The following RAB37 variants were observed in gnomAD, a reference collection of about 807,000 sequenced individuals.
The protein encoded by RAB37 is RAB37, member RAS oncogene family, also known as ras-related protein Rab-37.
RAB37 carries 29 observed loss-of-function variants against 33.1 expected under a neutral mutation model. The observed-to-expected ratio is 0.88, with a 90% CI of 0.65 to 1.20. The LOEUF (loss-of-function observed/expected upper bound fraction) is 1.20. Ranked by LOEUF, RAB37 falls within the 50% of genes most tolerant of loss-of-function variation. RAB37 has a pLI of 0.00. For missense variants in RAB37, 299 were observed against 301.1 expected (o/e 0.99, Z 0.05); for synonymous variants, 128 against 119.5 (o/e 1.07, Z -0.47).
intron 1 of RAB37, 83 bp downstream of exon 1, chr17:74,737,448 C>G (rs1358271840): frequency 7.2e-7 from 1 of 1,390,264 alleles, no homozygotes; most frequent in Non-Finnish European, 9.6e-7. Context: ...CTCAGCCCTT[C>G]CCCCAGGCAG....
Position 74,684,858 on chromosome 17 carries a change from T to C in RAB37, c.72+13200T>C, listed in dbSNP as rs531520060. Among the ~76,000 whole-genome samples the C allele has an allele frequency of 4.2e-5, 3 of 70,982 alleles. No individual in the cohort carries two copies. The Admixed American group carries it at 5.2e-4, about 12-fold the overall frequency. 46.6% of individuals were successfully genotyped at this position (70,982 alleles called of 152,430 possible). On this transcript the variant is annotated intron_variant, in intron 1 of 7. Transcript: ENST00000340415. The stretch of plus-strand genomic sequence containing the variant: ...TGTTTATTTATACATATGTGTGAGA[T>C]AGATAGATAGATAGATAGATAGATA...
chr17:74,698,387 T>C, intron 1 of RAB37: 1 of 1,613,382 alleles, frequency 6.2e-7, no homozygotes, highest in Non-Finnish European at 8.5e-7. Context: ...TGGTACTTCA[T>C]CATCCTCCAA....
At position 74,703,373 on chromosome 17, in the gene RAB37, G is replaced by T. The variant is rs567827213; in HGVS notation, c.73-25883G>T. Among the ~76,000 whole-genome samples the T allele has an allele frequency of 1.5e-4, 23 of 152,222 alleles. 1 individual carries two copies. Among genetic ancestry groups the T allele is most frequent in the Admixed American group, 1.1e-3 (17 of 15,296 alleles). On this transcript the variant is annotated intron_variant, in intron 1 of 7. Coordinates refer to the RAB37 transcript ENST00000340415. ...AGGACGCTGAGCTGGCCCTGGGAGG[G>T]TTAGAGGGGGCTGGGAAGAGCCTAA...
intron 1 of RAB37, chr17:74,695,149 GGAGGTGGCTACT>G: frequency 6.2e-7 from 1 of 1,614,208 alleles, no homozygotes; most frequent in Non-Finnish European, 8.5e-7. Context: ...CCCCTGCCGG[GGAGGTGGCTACT>G]GAGGTGGCCC....
At chr17:74,699,281 G>A (rs893679881) in intron 1 of RAB37, among the ~76,000 whole-genome samples, 2 of 152,128 alleles carry the variant, frequency 1.3e-5, no homozygotes, top group African/African-American at 4.8e-5. Flanking sequence ...GTGTCTAGAA[G>A]CCTAACAGAA....
intron 1 of RAB37, among the ~76,000 whole-genome samples, chr17:74,721,675 C>T (rs755149555): frequency 7.9e-5 from 12 of 152,064 alleles, no homozygotes; most frequent in African/African-American, 2.2e-4. Flanking sequence ...TCAGGTGATC[C>T]GCCTCGGCCT....
chr17:74,694,813 T>C (rs771597744), intron 1 of RAB37: 15 of 310,018 alleles, frequency 4.8e-5, no homozygotes, highest in Non-Finnish European at 8.3e-5. Flanking sequence ...ATGATAACAT[T>C]TTTCTCATTA....
intron 1 of RAB37, among the ~76,000 whole-genome samples, chr17:74,722,771 T>G (rs1216201547): frequency 1.3e-5 from 2 of 152,220 alleles, no homozygotes; most frequent in African/African-American, 4.8e-5. Context: ...CTGTACCATT[T>G]CTCATTCGAC....
intron 1 of RAB37, among the ~76,000 whole-genome samples, chr17:74,719,165 A>C (rs1015880924): frequency 2.0e-5 from 3 of 152,218 alleles, no homozygotes; most frequent in African/African-American, 7.2e-5. Context: ...GGTAAAATGC[A>C]GGCCAAGTTT....
intron 1 of RAB37, among the ~76,000 whole-genome samples, chr17:74,686,146 G>A (rs913303530): frequency 1.3e-5 from 2 of 151,762 alleles, no homozygotes; most frequent in African/African-American, 4.8e-5. Context: ...AGGCTGGAGT[G>A]CAGTAGTGCC....
At chr17:74,697,270 G>C (rs2032582049) in intron 1 of RAB37, among the ~76,000 whole-genome samples, 1 of 152,030 alleles carries the variant, frequency 6.6e-6, no homozygotes, top group Non-Finnish European at 1.5e-5. Flanking sequence ...TTTCCACTGG[G>C]ACCGATTTTC....
At chr17:74,720,983 T>G (rs1220934792) in intron 1 of RAB37, among the ~76,000 whole-genome samples, 2 of 152,202 alleles carry the variant, frequency 1.3e-5, no homozygotes, top group African/African-American at 4.8e-5. Flanking sequence ...CCGTGCCATC[T>G]GAAGTTAAGC....
At chr17:74,737,551 C>T (rs938295285) in intron 1 of RAB37, among the ~76,000 whole-genome samples, 186 bp downstream of exon 1, 59 of 152,180 alleles carry the variant, frequency 3.9e-4, no homozygotes, top group Middle Eastern at 3.4e-3. Context: ...TTGGTGGGGG[C>T]GGGTCGCGGA....
Position 74,729,544 on chromosome 17 carries a change from GC to G in RAB37, c.183+182del, listed in dbSNP as rs200424808. Among the ~76,000 whole-genome samples, 496 of 152,120 alleles carry G rather than the reference GC, an allele frequency of 3.3e-3. 7 individuals carry two copies. The highest frequency in any genetic ancestry group is 0.014 in the Admixed American group (210 of 15,282). On this transcript the variant is annotated intron_variant, in intron 2 of 7. Coordinates refer to the RAB37 transcript ENST00000340415. This position sits in a 1 kb window ranked among gnomAD's most constrained non-coding sequence, Gnocchi z 4.2. ...GGGTGACCAGGAGGGAGGGTATACT[GC>G]CCCTGGGTAGTCCAGGAACTCCGCC... is the stretch of plus-strand genomic sequence containing the variant.
At chr17:74,735,901 C>T (rs1302461031), upstream of RAB37, among the ~76,000 whole-genome samples, 3 of 152,170 alleles carry the variant, frequency 2.0e-5, no homozygotes, top group Non-Finnish European at 4.4e-5. Context: ...CTCCTCACCT[C>T]CACACCTAAG....
intron 1 of RAB37, among the ~76,000 whole-genome samples, chr17:74,686,861 T>C (rs1368479478): frequency 6.6e-6 from 1 of 152,226 alleles, no homozygotes; most frequent in Non-Finnish European, 1.5e-5. Context: ...TTGAAATAAG[T>C]GCACCGTCTG....
At chr17:74,674,457 C>A (rs937114211) in intron 1 of RAB37, among the ~76,000 whole-genome samples, 1 of 151,336 alleles carries the variant, frequency 6.6e-6, no homozygotes, top group African/African-American at 2.4e-5. Context: ...GCGGGCAGAT[C>A]TCTTGAGGTC....
chr17:74,732,339 T>G (rs2034394833), upstream of RAB37, among the ~76,000 whole-genome samples: 1 of 152,184 alleles, frequency 6.6e-6, no homozygotes, highest in African/African-American at 2.4e-5. Flanking sequence ...GTCCCTCCAG[T>G]CTCTGCCCGG....
At chr17:74,695,302 C>T (rs751365537) in intron 1 of RAB37, 1 of 1,605,708 alleles carries the variant, frequency 6.2e-7, no homozygotes, top group East Asian at 2.2e-5. Flanking sequence ...AAGTGACGGT[C>T]ACGGGGCAGA....
Sources: allele counts gnomAD v4.1 joint callset (sites outside exome capture counted in the v4.1 genomes callset), GRCh38; gene constraint gnomAD v4.1.1; non-coding constraint Gnocchi (gnomAD v3.1); transcripts MANE v1.5; gene names NCBI Gene and HGNC (gene_info 2026-07-23, HGNC 2026-07-21).